H6PD: variants seen among roughly 807,000 people sequenced by gnomAD.
H6PD encodes the protein hexose-6-phosphate dehydrogenase/glucose 1-dehydrogenase, also known as GDH/6PGL endoplasmic bifunctional protein.
In H6PD, 48 loss-of-function variants were observed where a neutral mutation model predicts 61.2. That is an observed-to-expected ratio of 0.78 (90% CI 0.62 to 1.00). The LOEUF is 1.00. Ranked by LOEUF, H6PD falls within the 50% of genes least tolerant of loss-of-function variation. H6PD has a pLI of 0.00. For synonymous variants in H6PD, 480 were observed against 457.9 expected (o/e 1.05, Z -0.62); for missense variants, 1,093 against 1,065.0 (o/e 1.03, Z -0.37).
intron 3 of H6PD, among the ~76,000 whole-genome samples, chr1:9,247,955 G>T (rs9434732): frequency 0.46 from 70,358 of 152,180 alleles, 17,101 homozygotes; most frequent in African/African-American, 0.62. Flanking sequence ...GTCCCCAGCC[G>T]CCAGGTGAGG....
chr1:9,244,607 A>G (rs1641103697), intron 1 of H6PD, among the ~76,000 whole-genome samples: 1 of 152,042 alleles, frequency 6.6e-6, no homozygotes, highest in African/African-American at 2.4e-5. Flanking sequence ...GGACAGCTCC[A>G]CTCCCAGGCC....
rs745726187 is a variant in H6PD, at chr1:9,264,001, G to A, written c.1508G>A (p.Gly503Glu). The change falls in exon 5 of 5, where the codon GGA (glycine) becomes GAA (glutamate). Residue 503 changes from glycine to glutamate, a missense_variant. By Grantham distance (98) the Gly-to-Glu change is moderately conservative (BLOSUM62 -2). Transcript: ENST00000377403. ...CATAAGGCCCCACGCCTCTACCCTG[G>A]AGGAGCTGAGAATGGCCGTCTGTTG... The part of the protein sequence containing the change: ...LAHKAPRLYP[G>E]GAENGRLLDF... 3.1e-6 allele frequency: 5 copies of A among 1,614,120 alleles called. No homozygotes were observed. The highest frequency in any genetic ancestry group is 2.2e-5 in the East Asian group (1 of 44,902).
chr1:9,248,226 C>G (rs1429378394), intron 3 of H6PD, among the ~76,000 whole-genome samples: 2 of 152,264 alleles, frequency 1.3e-5, no homozygotes, highest in African/African-American at 4.8e-5. Flanking sequence ...GGCCCAGAGC[C>G]CTGGACCCAG....
intron 4 of H6PD, 22 bp from the exon 5 acceptor site, chr1:9,263,487 C>T: frequency 6.2e-7 from 1 of 1,612,594 alleles, no homozygotes; most frequent in South Asian, 1.1e-5. Context: ...GAGAGTCACC[C>T]TCTGCTGTTC....
rs61785090 is a variant in H6PD at position 9,254,768 on chromosome 1, G to A, written c.746-7291G>A. ...AAGGTGGACAGGCCAGTGAGCTTTC[G>A]TGTATTCACAGAGTTGTGTGTCAGT... On this transcript the variant is annotated intron_variant, in intron 3 of 4. Coordinates refer to ENST00000377403, the MANE Select transcript of H6PD (RefSeq NM_004285.4). The surrounding 1 kb of genome is among the most constrained non-coding windows in gnomAD (Gnocchi z 4.6). 0.13 allele frequency among the ~76,000 whole-genome samples: 19,824 copies of A among 152,144 alleles called. 1,712 individuals carry two copies. The highest frequency in any genetic ancestry group is 0.23 in the Middle Eastern group (67 of 294).
rs2100401322 is a variant in H6PD at position 9,263,920 on chromosome 1, C to G, written c.1427C>G (p.Thr476Arg). 1 of 1,614,222 alleles carries G rather than the reference C, an allele frequency of 6.2e-7. No homozygotes were observed. Among genetic ancestry groups the G allele is most frequent in the Non-Finnish European group, 8.5e-7 (1 of 1,180,030 alleles). The change falls in exon 5 of 5, where the codon ACA becomes AGA. Residue 476 changes from threonine (T) to arginine (R), a missense_variant. Coordinates refer to ENST00000377403, the MANE Select transcript of H6PD (RefSeq NM_004285.4). ...GGCCGGAAGAATTTCTTCATCACCA[C>G]AGAGAACTTGCTGGCCTCCTGGAAC... is the stretch of plus-strand genomic sequence containing the variant. The part of the protein sequence containing the change: ...FHGRKNFFIT[T>R]ENLLASWNFW...
Position 9,244,947 on chromosome 1 carries a change from C to G in H6PD, c.13C>G (p.Leu5Val). The G allele has an allele frequency of 6.2e-7, 1 of 1,614,092 alleles. No individual in the cohort carries two copies. Among genetic ancestry groups the G allele is most frequent in the South Asian group, 1.1e-5 (1 of 91,080 alleles). The change falls in exon 2 of 5, where the codon CTC becomes GTC. Residue 5 changes from leucine (L) to valine (V), a missense_variant. By Grantham distance (32) the Leu-to-Val change is conservative. Coordinates refer to ENST00000377403, the MANE Select transcript of H6PD (RefSeq NM_004285.4). MWNMLIVAMCLALLG... is the reference protein window; with the variant it reads MWNMVIVAMCLALLG... The stretch of plus-strand genomic sequence containing the variant: ...CAGGCACCCAGGCATGTGGAATATG[C>G]TCATAGTGGCGATGTGCTTGGCCCT...
At chr1:9,235,802 T>C (rs1368055045) in intron 1 of H6PD, among the ~76,000 whole-genome samples, 2 of 151,792 alleles carry the variant, frequency 1.3e-5, no homozygotes, top group Non-Finnish European at 2.9e-5. Flanking sequence ...GTAGAGACAG[T>C]GGTCTCACTA....
chr1:9,262,819 C>T (rs539724773), intron 4 of H6PD, among the ~76,000 whole-genome samples: 42 of 152,320 alleles, frequency 2.8e-4, no homozygotes, highest in Middle Eastern at 3.4e-3. Context: ...CTGTTGAGCA[C>T]GCGCCGTATG....
At chr1:9,259,868 C>T (rs533004126) in intron 3 of H6PD, among the ~76,000 whole-genome samples, 10 of 147,442 alleles carry the variant, frequency 6.8e-5, no homozygotes, top group South Asian at 6.5e-4. Context: ...GGTGTTACGC[C>T]GGTGTTATGT....
In H6PD at chr1:9,268,958, C is replaced by T. The variant is rs1016707765; in HGVS notation, c.*4089C>T. The T allele has an allele frequency of 2.0e-5, 3 of 152,178 alleles. No individual in the cohort carries two copies. The highest frequency in any genetic ancestry group is 7.2e-5 in the African/African-American group (3 of 41,436). 9.4% of individuals were successfully genotyped at this position (152,178 alleles called of 1,614,324 possible). ...TTTTTGTCCTGTAAGATATATGCAG[C>T]CTCACAGAAGCAGCCTCTGCCTCCA... On this transcript the variant is annotated 3_prime_UTR_variant, in exon 5 of 5. Coordinates refer to ENST00000377403, the MANE Select transcript of H6PD (RefSeq NM_004285.4).
At chr1:9,244,245 C>G (rs1641091361) in intron 1 of H6PD, among the ~76,000 whole-genome samples, 1 of 152,168 alleles carries the variant, frequency 6.6e-6, no homozygotes, top group South Asian at 2.1e-4. Context: ...CTCCTTTTAT[C>G]CTTATAACAA....
rs769331260 is a variant in H6PD, at chr1:9,245,415, C to T, written c.481C>T (p.Arg161Trp). The change falls in exon 2 of 5, where the codon CGG (arginine) becomes TGG (tryptophan). Residue 161 changes from arginine (R) to tryptophan (W), a missense_variant. Coordinates refer to ENST00000377403, the MANE Select transcript of H6PD (RefSeq NM_004285.4). The surrounding 1 kb of genome is among the most constrained non-coding windows in gnomAD (Gnocchi z 4.8). Reference protein sequence around the residue: ...DIARNINSSCRPGPGAWLRVV... With the variant: ...DIARNINSSCWPGPGAWLRVV... ...TGCCCGCAACATCAACAGTAGCTGC[C>T]GGCCAGGCCCGGGCGCCTGGCTGCG... The T allele has an allele frequency of 1.4e-5, 23 of 1,614,120 alleles. 1 individual carries two copies. The South Asian group carries it at 1.8e-4, about 12-fold the overall frequency.
chr1:9,246,926 A>G, intron 2 of H6PD, 40 bp from the exon 3 acceptor site: 3 of 1,389,344 alleles, frequency 2.2e-6, no homozygotes, highest in East Asian at 2.3e-5. Flanking sequence ...CTTCATCGTG[A>G]GAGTATCCTG....
chr1:9,269,703 C>T lies in H6PD; in HGVS notation c.*4834C>T, dbSNP rs1429977825. 2 of 152,230 alleles carry T rather than the reference C, an allele frequency of 1.3e-5. No homozygotes were observed. The highest frequency in any genetic ancestry group is 2.9e-5 in the Non-Finnish European group (2 of 68,050). The allele number at this position is 152,230 out of a possible 1,614,324, so 9.4% of individuals were successfully genotyped here. A position where few individuals can be genotyped will look rare whatever the true frequency, so the allele number is the denominator to read the frequency against. On this transcript the variant is annotated 3_prime_UTR_variant, in exon 5 of 5. Transcript: ENST00000377403. The surrounding 1 kb of genome is among the most constrained non-coding windows in gnomAD (Gnocchi z 4.3). ...GGGCAGTCTCCCTATAAAACAAAAA[C>T]CCCACCTTCTGTGCCTTCTGCTTTA...
chr1:9,252,702 T>C (rs967003721), intron 3 of H6PD, among the ~76,000 whole-genome samples: 2 of 152,236 alleles, frequency 1.3e-5, no homozygotes, highest in African/African-American at 4.8e-5. Context: ...AAAAAACATA[T>C]TCCCTTTAAG....
intron 3 of H6PD, 63 bp downstream of exon 3, chr1:9,247,146 G>T: frequency 9.1e-7 from 1 of 1,099,118 alleles, no homozygotes; most frequent in South Asian, 1.2e-5. Flanking sequence ...CTGCGGTGAG[G>T]CATGGGGCGC....
chr1:9,251,155 A>C (rs1641349416), intron 3 of H6PD, among the ~76,000 whole-genome samples: 1 of 152,138 alleles, frequency 6.6e-6, no homozygotes, highest in Admixed American at 6.5e-5. Flanking sequence ...CATCCCAGAG[A>C]TGACCCTGGC....
At chr1:9,244,183 C>T (rs1641089072) in intron 1 of H6PD, among the ~76,000 whole-genome samples, 1 of 152,218 alleles carries the variant, frequency 6.6e-6, no homozygotes, top group Non-Finnish European at 1.5e-5. Flanking sequence ...ACACCTACCA[C>T]TCGGTGCTTA....
Sources: gnomAD v4.1 joint callset for allele counts (sites outside exome capture counted in the v4.1 genomes callset) on GRCh38, gnomAD v4.1.1 for gene constraint, Gnocchi (gnomAD v3.1) non-coding constraint, MANE v1.5 for transcripts, NCBI Gene and HGNC (gene_info 2026-07-23, HGNC 2026-07-21) for gene names.